Variants in FGF14 observed in about 807,000 individuals in gnomAD.
The protein encoded by FGF14 is fibroblast growth factor 14.
In FGF14, 5 loss-of-function variants were observed where a neutral mutation model predicts 25.5. That is an observed-to-expected ratio of 0.20 (90% CI 0.10 to 0.41). The LOEUF is 0.41. Among genes scored for constraint, FGF14 ranks in the 10% least tolerant of loss-of-function variants. FGF14 has a pLI of 1.00. For synonymous variants in FGF14, 138 were observed against 118.3 expected (o/e 1.17, Z -1.08); for missense variants, 222 against 320.1 (o/e 0.69, Z 2.34).
intron 1 of FGF14, among the ~76,000 whole-genome samples, chr13:102,248,951 C>G (rs560159923): frequency 6.6e-6 from 1 of 152,062 alleles, no homozygotes; most frequent in African/African-American, 2.4e-5. Context: ...TCTAGATGGT[C>G]AAGAGAATAA....
intron 1 of FGF14, among the ~76,000 whole-genome samples, chr13:101,886,341 G>A (rs191583731): frequency 6.6e-6 from 1 of 152,176 alleles, no homozygotes; most frequent in East Asian, 1.9e-4. Context: ...CATAAAAACA[G>A]ACACATAGAC....
At chr13:101,801,936 T>G in intron 3 of FGF14, 2 of 456,936 alleles carry the variant, frequency 4.4e-6, no homozygotes, top group Non-Finnish European at 8.6e-6. Context: ...GCTCTCTTTG[T>G]GCAGATGTGC....
intron 3 of FGF14, among the ~76,000 whole-genome samples, chr13:101,851,683 C>A (rs182575705): frequency 6.6e-6 from 1 of 152,076 alleles, no homozygotes. Context: ...TCCTCCTCGT[C>A]GTCTTCATCA....
At chr13:101,916,314 G>A (rs922789815) in intron 1 of FGF14, 139 bp downstream of exon 1, 13 of 1,038,200 alleles carry the variant, frequency 1.3e-5, no homozygotes, top group Middle Eastern at 2.4e-4. Flanking sequence ...TCCCCGCGAC[G>A]GCACCCAGAG....
intron 1 of FGF14, among the ~76,000 whole-genome samples, chr13:102,355,987 A>C (rs1295720065): frequency 1.3e-5 from 2 of 152,166 alleles, no homozygotes; most frequent in African/African-American, 4.8e-5. Context: ...GAGTTAGCAC[A>C]ATGTCCCCGT....
chr13:101,796,506 T>G (rs182708632), intron 3 of FGF14, among the ~76,000 whole-genome samples: 39 of 152,152 alleles, frequency 2.6e-4, no homozygotes, highest in Non-Finnish European at 4.7e-4. Flanking sequence ...ATTCATATAT[T>G]GAAGTCCATA....
intron 1 of FGF14, among the ~76,000 whole-genome samples, chr13:102,085,602 A>G (rs949790390): frequency 5.3e-5 from 8 of 152,216 alleles, no homozygotes; most frequent in African/African-American, 1.9e-4. Flanking sequence ...TTCCAGAACA[A>G]TAAAACTGAT....
intron 1 of FGF14, among the ~76,000 whole-genome samples, chr13:101,993,962 G>A (rs896812406): frequency 1.3e-5 from 2 of 151,706 alleles, no homozygotes; most frequent in African/African-American, 2.4e-5. Context: ...TTGAAAAATG[G>A]GGAAAATATA....
At chr13:102,325,802 C>T (rs1400996347) in intron 1 of FGF14, among the ~76,000 whole-genome samples, 3 of 151,128 alleles carry the variant, frequency 2.0e-5, no homozygotes, top group East Asian at 1.9e-4. Flanking sequence ...ATAAGCTCAA[C>T]GAAGGCACAG....
intron 1 of FGF14, among the ~76,000 whole-genome samples, chr13:102,353,840 ATCAGGCTC>A (rs1394989527): frequency 6.6e-6 from 1 of 152,156 alleles, no homozygotes; most frequent in Non-Finnish European, 1.5e-5. Flanking sequence ...CACTTCAACC[ATCAGGCTC>A]TTCTAAGTTC....
At chr13:101,962,596 A>T (rs1024001732) in intron 1 of FGF14, among the ~76,000 whole-genome samples, 1 of 152,220 alleles carries the variant, frequency 6.6e-6, no homozygotes, top group African/African-American at 2.4e-5. Flanking sequence ...TCATAAAGCC[A>T]TTTAGGATAA....
At chr13:101,770,982 T>G (rs1198024172) in intron 3 of FGF14, among the ~76,000 whole-genome samples, 1 of 152,098 alleles carries the variant, frequency 6.6e-6, no homozygotes, top group Non-Finnish European at 1.5e-5. Flanking sequence ...TATATTAAAC[T>G]ATATTAAATT....
intron 3 of FGF14, among the ~76,000 whole-genome samples, chr13:101,786,325 A>G (rs1382498363): frequency 6.6e-6 from 1 of 152,202 alleles, no homozygotes; most frequent in Non-Finnish European, 1.5e-5. Flanking sequence ...GAGATTTCTG[A>G]TGATTCTTGA....
intron 1 of FGF14, chr13:102,292,235 T>A (rs2054445403): frequency 7.1e-6 from 1 of 141,210 alleles, no homozygotes; most frequent in Non-Finnish European, 1.5e-5. Flanking sequence ...TGAGAGGATG[T>A]CTCATTTTAC....
At chr13:102,218,580 G>C (rs749083126) in intron 1 of FGF14, among the ~76,000 whole-genome samples, 8 of 151,782 alleles carry the variant, frequency 5.3e-5, no homozygotes, top group Non-Finnish European at 8.8e-5. Flanking sequence ...GGTCAATGAT[G>C]GGGTTCCCAT....
chr13:101,776,677 T>G (rs2140003043), intron 3 of FGF14, among the ~76,000 whole-genome samples: 1 of 152,312 alleles, frequency 6.6e-6, no homozygotes, highest in East Asian at 1.9e-4. Flanking sequence ...TGAGATCTGG[T>G]CGCATGAAGC....
At chr13:102,177,445 T>C (rs1594290864) in intron 1 of FGF14, among the ~76,000 whole-genome samples, 2 of 152,178 alleles carry the variant, frequency 1.3e-5, no homozygotes, top group Admixed American at 6.5e-5. Flanking sequence ...ATTTTACTTA[T>C]AGAAAAACAC....
At chr13:102,023,101 C>T (rs924071738) in intron 1 of FGF14, among the ~76,000 whole-genome samples, 1 of 150,536 alleles carries the variant, frequency 6.6e-6, no homozygotes, top group Non-Finnish European at 1.5e-5. Context: ...ACACAAAATA[C>T]GTAACATATC....
At chr13:101,913,973 A>G (rs2139102151) in intron 1 of FGF14, among the ~76,000 whole-genome samples, 1 of 152,278 alleles carries the variant, frequency 6.6e-6, no homozygotes, top group Non-Finnish European at 1.5e-5. Flanking sequence ...TCACTGCTGT[A>G]TGTATATATA....
Sources: allele counts gnomAD v4.1 joint callset (sites outside exome capture counted in the v4.1 genomes callset), GRCh38; gene constraint gnomAD v4.1.1; transcripts MANE v1.5; gene names NCBI Gene and HGNC (gene_info 2026-07-23, HGNC 2026-07-21).